Variants in ASTN2 observed in about 807,000 individuals in gnomAD.
ASTN2 encodes the protein astrotactin 2.
A neutral mutation model predicts 139.8 loss-of-function variants in ASTN2; 54 were observed. The observed-to-expected ratio is 0.39, with a 90% confidence interval of 0.31 to 0.48. The LOEUF (loss-of-function observed/expected upper bound fraction) is 0.48. ASTN2 is among the 20% of genes least tolerant of loss of function. The pLI, the probability that ASTN2 is intolerant of heterozygous loss-of-function variation, is 0.95. For missense variants in ASTN2, 1,565 were observed against 1,725.1 expected (o/e 0.91, Z 1.64); for synonymous variants, 756 against 719.5 (o/e 1.05, Z -0.81).
rs1847252814 is a variant in ASTN2 at position 116,424,444 on chromosome 9, C to T, written c.*1407G>A. Among the ~76,000 whole-genome samples the T allele has an allele frequency of 6.6e-6, 1 of 152,164 alleles. No individual in the cohort carries two copies. Among genetic ancestry groups the T allele is most frequent in the Non-Finnish European group, 1.5e-5 (1 of 68,032 alleles). ...CATCAAGCTTCTTGCCCAAAGCTTC[C>T]AATGCCTTGCCAAGCTCCCAGCCTC... is the stretch of plus-strand genomic sequence containing the variant. On this transcript the variant is annotated 3_prime_UTR_variant, in exon 23 of 23. Transcript: ENST00000313400.
At chr9:117,123,195 G>A (rs1407160413) in intron 4 of ASTN2, among the ~76,000 whole-genome samples, 2 of 152,058 alleles carry the variant, frequency 1.3e-5, no homozygotes, top group African/African-American at 4.8e-5. Context: ...ACGGGATGCT[G>A]ATGCTGCGTG....
At chr9:116,546,969 C>T (rs778624597) in intron 19 of ASTN2, among the ~76,000 whole-genome samples, 6 of 152,240 alleles carry the variant, frequency 3.9e-5, no homozygotes, top group Non-Finnish European at 7.4e-5. Context: ...GCAGGCACGC[C>T]GGCTGGAGGG....
intron 19 of ASTN2, chr9:116,552,298 T>G (rs1587987580): frequency 6.6e-6 from 1 of 152,332 alleles, no homozygotes; most frequent in African/African-American, 2.4e-5. Flanking sequence ...GTTTTGCTCA[T>G]TTTATTTATT....
chr9:117,144,659 A>G (rs1312694693), intron 3 of ASTN2, among the ~76,000 whole-genome samples: 2 of 108,072 alleles, frequency 1.9e-5, no homozygotes, highest in Non-Finnish European at 3.4e-5. Flanking sequence ...AGTGAACACT[A>G]GTTTTTTTTT....
intron 5 of ASTN2, among the ~76,000 whole-genome samples, chr9:117,057,484 T>G (rs141139862): frequency 1.1e-3 from 166 of 152,292 alleles, no homozygotes; most frequent in African/African-American, 3.9e-3. Flanking sequence ...GTAACAACAT[T>G]AGCACAAATT....
chr9:116,722,990 C>T (rs549115479), intron 16 of ASTN2, among the ~76,000 whole-genome samples: 1 of 152,182 alleles, frequency 6.6e-6, no homozygotes, highest in East Asian at 1.9e-4. Context: ...ACAGTGAAAC[C>T]CCATCTCTAC....
chr9:116,952,623 C>A (rs1048946048), intron 10 of ASTN2, among the ~76,000 whole-genome samples: 1 of 152,146 alleles, frequency 6.6e-6, no homozygotes, highest in Admixed American at 6.5e-5. Context: ...TAATGAATTG[C>A]CGTCTTTGCA....
At chr9:117,040,645 G>C (rs1263398278) in intron 5 of ASTN2, among the ~76,000 whole-genome samples, 1 of 152,112 alleles carries the variant, frequency 6.6e-6, no homozygotes, top group Non-Finnish European at 1.5e-5. Flanking sequence ...TTTTAGTAGA[G>C]ACGGGTTTTC....
intron 19 of ASTN2, among the ~76,000 whole-genome samples, chr9:116,506,938 T>C (rs1850138118): frequency 6.6e-6 from 1 of 152,096 alleles, no homozygotes; most frequent in South Asian, 2.1e-4. Flanking sequence ...AGTTCACTCA[T>C]CTATTTAAAG....
intron 1 of ASTN2, among the ~76,000 whole-genome samples, chr9:117,378,189 C>T (rs1830174857): frequency 6.6e-6 from 1 of 152,154 alleles, no homozygotes; most frequent in African/African-American, 2.4e-5. Flanking sequence ...CATCATTTCT[C>T]AGATGGGAGA....
At chr9:116,885,578 AT>A (rs1003827300) in intron 10 of ASTN2, among the ~76,000 whole-genome samples, 1 of 152,174 alleles carries the variant, frequency 6.6e-6, no homozygotes, top group Non-Finnish European at 1.5e-5. Context: ...AGGCAGGGGA[AT>A]CTCTTGAACC....
At chr9:116,904,984 C>T (rs1420572725) in intron 10 of ASTN2, among the ~76,000 whole-genome samples, 1 of 152,082 alleles carries the variant, frequency 6.6e-6, no homozygotes, top group East Asian at 1.9e-4. Flanking sequence ...CTCCAAAGGC[C>T]CCTCTGTGGT....
At chr9:116,653,259 T>G (rs1010300269) in intron 16 of ASTN2, among the ~76,000 whole-genome samples, 1 of 152,056 alleles carries the variant, frequency 6.6e-6, no homozygotes, top group Non-Finnish European at 1.5e-5. Flanking sequence ...TGAGGAATCC[T>G]AGGGATCCTA....
chr9:116,714,257 A>T (rs946560375), intron 16 of ASTN2, among the ~76,000 whole-genome samples: 3 of 152,192 alleles, frequency 2.0e-5, no homozygotes, highest in African/African-American at 7.2e-5. Context: ...AGGTTTAGGA[A>T]AAGCTCAAAT....
intron 1 of ASTN2, among the ~76,000 whole-genome samples, chr9:117,402,345 C>T (rs555648431): frequency 2.0e-5 from 3 of 152,286 alleles, no homozygotes; most frequent in South Asian, 2.1e-4. Flanking sequence ...GGATTACAGG[C>T]GTGAGCCACT....
intron 1 of ASTN2, among the ~76,000 whole-genome samples, chr9:117,296,183 C>T (rs1372736198): frequency 6.9e-6 from 1 of 144,442 alleles, no homozygotes; most frequent in African/African-American, 2.6e-5. Context: ...AAGGCTGAGG[C>T]AGGAGAATCA....
chr9:116,488,183 T>C (rs1041833602), intron 19 of ASTN2, among the ~76,000 whole-genome samples: 3 of 152,234 alleles, frequency 2.0e-5, no homozygotes, highest in African/African-American at 7.2e-5. Flanking sequence ...CCATCACTTC[T>C]TTAATTTACT....
chr9:116,929,663 T>C (rs955312801), intron 10 of ASTN2, among the ~76,000 whole-genome samples: 15 of 152,188 alleles, frequency 9.9e-5, no homozygotes, highest in Non-Finnish European at 2.1e-4. Context: ...TGCTGACTAA[T>C]TGAATTACTC....
At chr9:116,454,031 T>G (rs1339452011) in intron 20 of ASTN2, among the ~76,000 whole-genome samples, 3 of 152,230 alleles carry the variant, frequency 2.0e-5, no homozygotes, top group African/African-American at 7.2e-5. Flanking sequence ...TATTTCACAA[T>G]GGGTCACTAG....
Sources: allele counts gnomAD v4.1 joint callset (sites outside exome capture counted in the v4.1 genomes callset), GRCh38; gene constraint gnomAD v4.1.1; transcripts MANE v1.5; gene names NCBI Gene and HGNC (gene_info 2026-07-23, HGNC 2026-07-21).